The following B3GALNT2 variants were observed in gnomAD, a reference collection of about 807,000 sequenced individuals.
The protein encoded by B3GALNT2 is UDP-GalNAc:beta-1,3-N-acetylgalactosaminyltransferase 2.
Under a neutral mutation model 61.1 loss-of-function variants are expected in B3GALNT2, and 53 were observed. The ratio of observed to expected loss-of-function variants is 0.87; its 90% CI spans 0.70 to 1.09. The LOEUF is 1.09. Ranked by LOEUF, B3GALNT2 falls within the 50% of genes least tolerant of loss-of-function variation. B3GALNT2 has a pLI of 0.00. For missense variants in B3GALNT2, 544 were observed against 623.0 expected, an observed-to-expected ratio of 0.87 and a Z score of 1.35; for synonymous variants, 223 against 237.4, an observed-to-expected ratio of 0.94 and a Z score of 0.56.
intron 6 of B3GALNT2, among the ~76,000 whole-genome samples, chr1:235,466,730 G>A (rs1288881621): frequency 6.6e-6 from 1 of 152,140 alleles, no homozygotes; most frequent in East Asian, 1.9e-4. Flanking sequence ...TTAGAATGGA[G>A]AATCTTTTAT....
chr1:235,442,650 G>A (rs1681973183), downstream of B3GALNT2, among the ~76,000 whole-genome samples: 1 of 152,180 alleles, frequency 6.6e-6, no homozygotes, highest in Admixed American at 6.5e-5. Flanking sequence ...ACTAAGTGGG[G>A]AAAAGGGAAA....
chr1:235,503,371 T>C (rs1685673285), intron 1 of B3GALNT2, among the ~76,000 whole-genome samples: 1 of 152,232 alleles, frequency 6.6e-6, no homozygotes, highest in Non-Finnish European at 1.5e-5. Context: ...AACAAAACAA[T>C]CCGCTGGGCA....
At chr1:235,488,542 C>T (rs1041812428) in intron 3 of B3GALNT2, among the ~76,000 whole-genome samples, 3 of 151,452 alleles carry the variant, frequency 2.0e-5, no homozygotes, top group East Asian at 1.9e-4. Flanking sequence ...ATTAGCCAGG[C>T]GCAGTGGTGG....
intron 11 of B3GALNT2, chr1:235,452,403 C>T (rs969283225): frequency 4.6e-5 from 7 of 152,110 alleles, no homozygotes; most frequent in African/African-American, 1.7e-4. Flanking sequence ...GAGAAATAAC[C>T]TAGTGGATTA....
intron 1 of B3GALNT2, among the ~76,000 whole-genome samples, chr1:235,500,004 G>A (rs1685514574): frequency 1.3e-5 from 2 of 152,324 alleles, no homozygotes; most frequent in South Asian, 4.1e-4. Flanking sequence ...CTAGCCTCAG[G>A]TGAGAATGCA....
intron 11 of B3GALNT2, among the ~76,000 whole-genome samples, 170 bp downstream of exon 11, chr1:235,452,920 A>T (rs1682995101): frequency 2.0e-5 from 3 of 152,206 alleles, no homozygotes; most frequent in African/African-American, 7.2e-5. Flanking sequence ...AGATTTTCAG[A>T]TTTGGAATGT....
intron 1 of B3GALNT2, among the ~76,000 whole-genome samples, chr1:235,503,194 GGA>G (rs1377618987): frequency 6.6e-6 from 1 of 152,160 alleles, no homozygotes; most frequent in Non-Finnish European, 1.5e-5. Flanking sequence ...GCTGTTTTGG[GGA>G]GAGATGGTAA....
chr1:235,504,182 C>G lies in B3GALNT2; in HGVS notation c.71G>C (p.Arg24Pro). 7.6e-7 allele frequency: 1 copy of G among 1,320,074 alleles called. No individual in the cohort carries two copies. The highest frequency in any genetic ancestry group is 2.1e-5 in the South Asian group (1 of 47,264). The allele number at this position is 1,320,074 out of a possible 1,614,324, so 81.8% of individuals were successfully genotyped here. Residue 24 changes from arginine to proline, a missense_variant, in exon 1 of 12, where the codon CGC (arginine) becomes CCC (proline). Physicochemically the swap from Arg to Pro is moderately radical, Grantham distance 103. Coordinates refer to ENST00000366600, the MANE Select transcript of B3GALNT2 (RefSeq NM_152490.5). ...GGAGGCGCAGGCGGGCGGCGGGGAG[C>G]GCAGCCGCAGCCAGAGGTGCAGCGC... is the stretch of plus-strand genomic sequence containing the variant. ...GAALHLWLRLRSPPPACASGA... is the reference protein window; with the variant it reads ...GAALHLWLRLPSPPPACASGA...
chr1:235,477,763 C>A (rs1447150234), intron 5 of B3GALNT2, among the ~76,000 whole-genome samples: 1 of 152,176 alleles, frequency 6.6e-6, no homozygotes, highest in Non-Finnish European at 1.5e-5. Context: ...GGGCAAATTG[C>A]CCCTGGTGAA....
chr1:235,489,827 C>T (rs1684980514), intron 2 of B3GALNT2, among the ~76,000 whole-genome samples: 1 of 152,156 alleles, frequency 6.6e-6, no homozygotes, highest in South Asian at 2.1e-4. Context: ...CACTGAGGTC[C>T]TACAAAGAAA....
At chr1:235,443,197 C>T (rs1212061424), downstream of B3GALNT2, among the ~76,000 whole-genome samples, 15 of 130,492 alleles carry the variant, frequency 1.1e-4, no homozygotes, top group South Asian at 4.6e-4. Context: ...TATATATATA[C>T]ACACACACAC....
At chr1:235,484,873 G>A (rs191352825) in intron 3 of B3GALNT2, among the ~76,000 whole-genome samples, 54 of 152,338 alleles carry the variant, frequency 3.5e-4, no homozygotes, top group African/African-American at 1.3e-3. Context: ...AAGAAAAACA[G>A]TACTGACTGT....
intron 7 of B3GALNT2, among the ~76,000 whole-genome samples, chr1:235,459,840 C>A (rs182399733): frequency 3.9e-4 from 59 of 152,240 alleles, no homozygotes; most frequent in African/African-American, 1.4e-3. Flanking sequence ...GTTGCCCAGG[C>A]TGGAGTGCAA....
intron 1 of B3GALNT2, among the ~76,000 whole-genome samples, chr1:235,498,209 A>G (rs1202854054): frequency 6.6e-6 from 1 of 152,208 alleles, no homozygotes; most frequent in Non-Finnish European, 1.5e-5. Context: ...ATGTTGCTCA[A>G]ATTTCTAGCT....
At position 235,447,214 on chromosome 1, in the gene B3GALNT2, TTTTA is replaced by T. The variant is rs1274842340; in HGVS notation, c.*2988_*2991del. 1.3e-4 allele frequency among the ~76,000 whole-genome samples: 20 copies of T among 152,212 alleles called. No individual in the cohort carries two copies. Among genetic ancestry groups the T allele is most frequent in the African/African-American group, 4.6e-4 (19 of 41,466 alleles). On this transcript the variant is annotated 3_prime_UTR_variant, in exon 12 of 12. Coordinates refer to ENST00000366600, the MANE Select transcript of B3GALNT2 (RefSeq NM_152490.5). The stretch of plus-strand genomic sequence containing the variant: ...ATTCAATACATACAAAAAGGCCAGT[TTTTA>T]TTCTAAAATAAAGAACATTTATTAT...
At chr1:235,441,993 G>A in the B3GALNT2 span, 1 of 919,684 alleles carries the variant, frequency 1.1e-6, no homozygotes, top group Non-Finnish European at 1.7e-6. Flanking sequence ...TAAATGCCTT[G>A]AGTTTTAAAT....
intron 3 of B3GALNT2, 28 bp from the exon 4 acceptor site, chr1:235,484,543 C>A: frequency 6.2e-7 from 1 of 1,600,480 alleles, no homozygotes; most frequent in South Asian, 1.1e-5. Flanking sequence ...GTTTATATAA[C>A]TGAACAAATG....
Position 235,471,494 on chromosome 1 carries a change from G to C in B3GALNT2, c.652-534C>G, listed in dbSNP as rs78000038. ...AGAAAGAGATATTTTTATGGATTTT[G>C]GTATACACCGCCAACTGCTTTTTGA... On this transcript the variant is annotated intron_variant, in intron 5 of 11. Coordinates refer to ENST00000366600, the MANE Select transcript of B3GALNT2 (RefSeq NM_152490.5). Among the ~76,000 whole-genome samples, 532 of 152,148 alleles carry C rather than the reference G, an allele frequency of 3.5e-3. 3 individuals carry two copies. The highest frequency in any genetic ancestry group is 0.012 in the African/African-American group (490 of 41,516).
intron 4 of B3GALNT2, 138 bp from the exon 5 acceptor site, chr1:235,480,287 T>A: frequency 7.4e-7 from 1 of 1,353,826 alleles, no homozygotes; most frequent in Non-Finnish European, 9.8e-7. Context: ...GGTTCTACTG[T>A]GGTTTTGGCA....
Sources: gnomAD v4.1 joint callset for allele counts (sites outside exome capture counted in the v4.1 genomes callset) on GRCh38, gnomAD v4.1.1 for gene constraint, MANE v1.5 for transcripts, NCBI Gene and HGNC (gene_info 2026-07-23, HGNC 2026-07-21) for gene names.